ATXN3: variants seen among roughly 807,000 people sequenced by gnomAD.
ATXN3 encodes ataxin 3.
ATXN3 carries 28 observed loss-of-function variants against 58.2 expected under a neutral mutation model. The observed-to-expected ratio is 0.48, with a 90% CI of 0.36 to 0.66. The LOEUF (loss-of-function observed/expected upper bound fraction) is 0.66. ATXN3 is among the 30% of genes least tolerant of loss of function. ATXN3 has a pLI of 0.00. For synonymous variants in ATXN3, 113 were observed against 138.5 expected, an observed-to-expected ratio of 0.82 and a Z score of 1.29; for missense variants, 321 against 422.1, an observed-to-expected ratio of 0.76 and a Z score of 2.10.
intron 5 of ATXN3, among the ~76,000 whole-genome samples, chr14:92,089,244 C>A (rs1369525343): frequency 6.6e-6 from 1 of 151,434 alleles, no homozygotes; most frequent in Non-Finnish European, 1.5e-5. Flanking sequence ...GTCTCAAACT[C>A]CTGACCTCAA....
At chr14:92,079,522 T>C (rs1228154557) in intron 9 of ATXN3, 1 of 771,084 alleles carries the variant, frequency 1.3e-6, no homozygotes, top group Non-Finnish European at 1.6e-6. Context: ...TACCATCAAA[T>C]GTAAAATGAG....
intron 7 of ATXN3, 89 bp from the exon 8 acceptor site, chr14:92,082,555 A>C (rs1161261201): frequency 3.3e-6 from 4 of 1,195,654 alleles, no homozygotes; most frequent in Non-Finnish European, 3.4e-6. Context: ...GGCTTTAAGT[A>C]AGTCAAAACT....
At chr14:92,076,438 G>A (rs1300798509) in intron 9 of ATXN3, among the ~76,000 whole-genome samples, 4 of 125,858 alleles carry the variant, frequency 3.2e-5, no homozygotes, top group Non-Finnish European at 4.9e-5. Context: ...ACAAAAGCGA[G>A]ACCTCGTCTC....
At chr14:92,045,174 T>C (rs1471836473) in intron 2 of ATXN3, among the ~76,000 whole-genome samples, 1 of 152,178 alleles carries the variant, frequency 6.6e-6, no homozygotes, top group Non-Finnish European at 1.5e-5. Flanking sequence ...TACTGTCCAG[T>C]CCTTTTTAAG....
chr14:92,087,585 A>C (rs1019854114), intron 6 of ATXN3, among the ~76,000 whole-genome samples: 3 of 152,246 alleles, frequency 2.0e-5, no homozygotes, highest in African/African-American at 7.2e-5. Context: ...GATGTGGTTT[A>C]ACCAGGGTTG....
At chr14:92,083,474 TA>T (rs2061836225) in intron 6 of ATXN3, 1 of 661,194 alleles carries the variant, frequency 1.5e-6, no homozygotes, top group Non-Finnish European at 2.8e-6. Flanking sequence ...TTCTCCATTG[TA>T]AGACTGGAAG....
chr14:92,050,595 T>C (rs1414843072), upstream of ATXN3: 1 of 152,234 alleles, frequency 6.6e-6, no homozygotes, highest in Non-Finnish European at 1.5e-5. Flanking sequence ...TGCAAGCTGG[T>C]TTCCATTACT....
In ATXN3 at chr14:92,060,488, G is replaced by C. The variant is rs2057700721; in HGVS notation, c.*3832C>G. 6.7e-6 allele frequency: 1 copy of C among 148,836 alleles called. No individual in the cohort carries two copies. The highest frequency in any genetic ancestry group is 2.5e-5 in the African/African-American group (1 of 40,340). The allele number at this position is 148,836 out of a possible 1,614,324, so 9.2% of individuals were successfully genotyped here. A position where few individuals can be genotyped will look rare whatever the true frequency, so the allele number is the denominator to read the frequency against. ...TGCCCAGACTGGTCTTGAACTCCTG[G>C]CCTGAAGTGATTCGCCCACCTCAGC... On this transcript the variant is annotated 3_prime_UTR_variant, in exon 11 of 11. Transcript: ENST00000644486.
chr14:92,104,715 G>A (rs2067780800), intron 1 of ATXN3, among the ~76,000 whole-genome samples: 1 of 151,588 alleles, frequency 6.6e-6, no homozygotes. Context: ...CACCTGTCAG[G>A]AGTTGGAGAC....
At chr14:92,067,668 A>G (rs2058689345) in intron 10 of ATXN3, among the ~76,000 whole-genome samples, 1 of 152,238 alleles carries the variant, frequency 6.6e-6, no homozygotes, top group Non-Finnish European at 1.5e-5. Flanking sequence ...AAGTGCTGGG[A>G]TTACAGGTGT....
Position 92,079,185 on chromosome 14 carries a change from C to CAAAAAAAAAAAAAAAAAAA in ATXN3, c.872+1761_872+1779dup. On this transcript the variant is annotated intron_variant, in intron 9 of 10. Coordinates refer to ENST00000644486, the MANE Select transcript of ATXN3 (RefSeq NM_004993.6). ...TGGGCAACAGAGCAAGACTCCATCT[C>CAAAAAAAAAAAAAAAAAAA]AAAAAAAAAAAAAAAAAAAAGCAAG... is the stretch of plus-strand genomic sequence containing the variant. Among the ~76,000 whole-genome samples, 2 of 77,058 alleles carry CAAAAAAAAAAAAAAAAAAA rather than the reference C, an allele frequency of 2.6e-5. 1 individual carries two copies. Among genetic ancestry groups the CAAAAAAAAAAAAAAAAAAA allele is most frequent in the Non-Finnish European group, 5.2e-5 (2 of 38,810 alleles). The allele number at this position is 77,058 out of a possible 152,430, so 50.6% of individuals were successfully genotyped here.
intron 9 of ATXN3, among the ~76,000 whole-genome samples, chr14:92,077,865 T>C (rs775201664): frequency 1.3e-5 from 2 of 151,994 alleles, no homozygotes; most frequent in Non-Finnish European, 2.9e-5. Context: ...CAGGTTGGTC[T>C]TGAACTCATG....
chr14:92,057,199 C>T (rs756547038), downstream of ATXN3, among the ~76,000 whole-genome samples: 10 of 152,178 alleles, frequency 6.6e-5, no homozygotes, highest in Non-Finnish European at 1.5e-4. Flanking sequence ...GGGTGGATCA[C>T]GAAGTCAAGA....
At chr14:92,078,724 GATT>G (rs2140597339) in intron 9 of ATXN3, among the ~76,000 whole-genome samples, 2 of 152,166 alleles carry the variant, frequency 1.3e-5, no homozygotes, top group East Asian at 3.9e-4. Context: ...TAATTATTAT[GATT>G]ATTATTTTAT....
intron 4 of ATXN3, 47 bp downstream of exon 4, chr14:92,093,699 A>G (rs2064436040): frequency 7.2e-7 from 1 of 1,387,096 alleles, no homozygotes; most frequent in Non-Finnish European, 1.0e-6. Flanking sequence ...AACTTTAAAA[A>G]TCAAATTTGG....
chr14:92,097,408 A>T (rs2065666606), intron 1 of ATXN3, among the ~76,000 whole-genome samples: 1 of 147,424 alleles, frequency 6.8e-6, no homozygotes, highest in East Asian at 2.0e-4. Context: ...TTGTATTTTT[A>T]GTATATACAG....
At chr14:92,050,538 T>G (rs1167626459), upstream of ATXN3, 1 of 152,322 alleles carries the variant, frequency 6.6e-6, no homozygotes, top group African/African-American at 2.4e-5. Flanking sequence ...ATTCCAAACC[T>G]AGGACAGTGG....
chr14:92,071,505 G>A lies in ATXN3; in HGVS notation c.873-452C>T, dbSNP rs1595588556. ...CAGCTACTTTGGGAGGCTGAGGCAGGAGAATCACTTGAACCGGGGAGGTAG... is the reference window on the plus strand; with the variant it reads ...CAGCTACTTTGGGAGGCTGAGGCAGAAGAATCACTTGAACCGGGGAGGTAG... On this transcript the variant is annotated intron_variant, in intron 9 of 10. Coordinates refer to ENST00000644486, the MANE Select transcript of ATXN3 (RefSeq NM_004993.6). 1.2e-5 allele frequency: 4 copies of A among 338,254 alleles called. No homozygotes were observed. The East Asian group carries it at 2.4e-4, about 20-fold the overall frequency. The allele number at this position is 338,254 out of a possible 1,614,324, so 21.0% of individuals were successfully genotyped here.
chr14:92,045,201 G>C (rs1194178042), intron 2 of ATXN3, among the ~76,000 whole-genome samples: 1 of 152,178 alleles, frequency 6.6e-6, no homozygotes, highest in Non-Finnish European at 1.5e-5. Context: ...GCTGAGCTTG[G>C]TGAGATGTCT....
Sources: allele counts gnomAD v4.1 joint callset (sites outside exome capture counted in the v4.1 genomes callset), GRCh38; gene constraint gnomAD v4.1.1; transcripts MANE v1.5; gene names NCBI Gene and HGNC (gene_info 2026-07-23, HGNC 2026-07-21).